The following KASH5 variants were observed in gnomAD, a reference collection of about 807,000 sequenced individuals.
The protein encoded by KASH5 is protein KASH5.
In KASH5, 72 loss-of-function variants were observed where a neutral mutation model predicts 84.2. The ratio of observed to expected loss-of-function variants is 0.85; its 90% confidence interval spans 0.71 to 1.04. KASH5 has a LOEUF of 1.04. Ranked by LOEUF, KASH5 falls within the 50% of genes least tolerant of loss-of-function variation. The pLI, the probability that KASH5 is intolerant of heterozygous loss-of-function variation, is 0.00. For synonymous variants in KASH5, 260 were observed against 279.1 expected (o/e 0.93, Z 0.68); for missense variants, 650 against 701.0 (o/e 0.93, Z 0.82).
intron 12 of KASH5, among the ~76,000 whole-genome samples, chr19:49,408,607 C>G (rs939786066): frequency 1.3e-5 from 2 of 152,106 alleles, no homozygotes; most frequent in African/African-American, 4.8e-5. Context: ...TGCCACCATG[C>G]CCGGCTAATT....
chr19:49,394,645 G>A (rs1337111545), intron 3 of KASH5, 65 bp downstream of exon 3: 1 of 1,285,266 alleles, frequency 7.8e-7, no homozygotes. Flanking sequence ...CTGGGAACTG[G>A]GGAGCCTCAG....
chr19:49,389,855 A>C (rs1973945964), intron 1 of KASH5: 1 of 152,918 alleles, frequency 6.5e-6, no homozygotes, highest in African/African-American at 2.4e-5. Context: ...TGCCCAGAGC[A>C]GCTGCAAGTG....
chr19:49,408,750 T>C (rs1337205959), intron 12 of KASH5, among the ~76,000 whole-genome samples: 1 of 152,240 alleles, frequency 6.6e-6, no homozygotes, highest in Non-Finnish European at 1.5e-5. Context: ...GCCTGGCCTC[T>C]TGGCCTGTGC....
Position 49,407,326 on chromosome 19 carries a change from G to A in KASH5, c.933+30G>A, listed in dbSNP as rs191738825. On this transcript the variant is annotated intron_variant, in intron 11 of 19. Coordinates refer to ENST00000447857, the MANE Select transcript of KASH5 (RefSeq NM_144688.5). ...GGGGCCCCGGGAGGGAAAGAGATTCGCTTTCCATGTGCACCAGCCACTTCC... is the reference window on the plus strand; with the variant it reads ...GGGGCCCCGGGAGGGAAAGAGATTCACTTTCCATGTGCACCAGCCACTTCC... 197 of 1,606,138 alleles carry A rather than the reference G, an allele frequency of 1.2e-4. 3 individuals are homozygous for A. The highest frequency in any genetic ancestry group is 8.3e-4 in the Middle Eastern group (5 of 6,040).
chr19:49,409,884 A>C lies in KASH5; in HGVS notation c.1269+9A>C, dbSNP rs201921062. ...CCCCAGCTGGGGGACAGGTGAGCAC[A>C]GGAAAAGCTCTGAAGTCCAGGAGCT... is the stretch of plus-strand genomic sequence containing the variant. On this transcript the variant is annotated intron_variant, in intron 15 of 19. Transcript: ENST00000447857. The C allele has an allele frequency of 1.7e-5, 28 of 1,612,842 alleles. No individual in the cohort carries two copies. The East Asian group carries it at 5.6e-4, about 32-fold the overall frequency.
chr19:49,396,242 A>ATTTTT (rs1568611428), intron 5 of KASH5, among the ~76,000 whole-genome samples: 1 of 122,904 alleles, frequency 8.1e-6, no homozygotes, highest in Non-Finnish European at 1.7e-5. Context: ...ACCCTGCTGG[A>ATTTTT]CTTTTTTTTT....
rs1974648886 is a variant in KASH5 at position 49,409,672 on chromosome 19, A to G, written c.1147-81A>G. Reference sequence around the variant, plus strand: ...TCTCTCATCCTATTTTCAGCCGCACACCTAAACCTATTTCTATCTCTGACC... The same window carrying G: ...TCTCTCATCCTATTTTCAGCCGCACGCCTAAACCTATTTCTATCTCTGACC... On this transcript the variant is annotated intron_variant, in intron 14 of 19. Transcript: ENST00000447857. 18 of 1,577,020 alleles carry G rather than the reference A, an allele frequency of 1.1e-5. No individual in the cohort carries two copies. The South Asian group carries it at 1.9e-4, about 17-fold the overall frequency.
chr19:49,409,857 A>G lies in KASH5; in HGVS notation c.1251A>G (p.Glu417=), dbSNP rs1331370502. The G allele has an allele frequency of 1.9e-6, 3 of 1,613,688 alleles. No homozygotes were observed. Among genetic ancestry groups the G allele is most frequent in the Non-Finnish European group, 2.5e-6 (3 of 1,179,766 alleles). ...ETSEETEFPS[E]APAGGQRNFQ... The stretch of plus-strand genomic sequence containing the variant: ...GTGAGGAAACTGAGTTTCCATCTGA[A>G]GCCCCAGCTGGGGGACAGGTGAGCA... Residue 417 remains glutamate (E), a synonymous_variant, in exon 15 of 20, where the codon GAA becomes GAG. Transcript: ENST00000447857.
chr19:49,397,926 C>T (rs548061578), intron 6 of KASH5, 56 bp from the exon 7 acceptor site: 28 of 1,579,106 alleles, frequency 1.8e-5, no homozygotes, highest in South Asian at 1.6e-4. Flanking sequence ...TACCTCGACC[C>T]GGGGAAATGA....
At chr19:49,406,387 G>GT (rs1239304106) in intron 9 of KASH5, among the ~76,000 whole-genome samples, 2 of 151,784 alleles carry the variant, frequency 1.3e-5, no homozygotes, top group Admixed American at 6.6e-5. Flanking sequence ...TTTTGTTGTT[G>GT]TTTTTTCCTG....
At chr19:49,391,620 G>A (rs1037212203) in intron 2 of KASH5, 1 of 151,656 alleles carries the variant, frequency 6.6e-6, no homozygotes, top group Non-Finnish European at 1.5e-5. Flanking sequence ...TTCATACTAA[G>A]CCCTAAAGAT....
At chr19:49,389,212 A>G (rs1973917823) in intron 1 of KASH5, among the ~76,000 whole-genome samples, 1 of 121,926 alleles carries the variant, frequency 8.2e-6, no homozygotes, top group South Asian at 3.1e-4. Context: ...ACCCCCAGAA[A>G]TCCAATCAGA....
In KASH5 at chr19:49,409,233, A is replaced by G; in HGVS notation, c.1096A>G (p.Thr366Ala). The change falls in exon 14 of 20, where the codon ACC (threonine) becomes GCC (alanine). Residue 366 changes from threonine to alanine, a missense_variant. Thr to Ala is a moderately conservative substitution (Grantham distance 58). Coordinates refer to ENST00000447857, the MANE Select transcript of KASH5 (RefSeq NM_144688.5). ...GGCCCAGCTGAGAAGAGTGGGCTGG[A>G]CCGAGCTGCTACCCCCATCGCTGGG... ...EGAQLRRVGW[T>A]ELLPPSLGLE... 2.5e-6 allele frequency: 4 copies of G among 1,613,940 alleles called. 1 individual carries two copies. Among genetic ancestry groups the G allele is most frequent in the Middle Eastern group, 1.6e-4 (1 of 6,062 alleles).
intron 1 of KASH5, among the ~76,000 whole-genome samples, chr19:49,390,501 C>T (rs1287614037): frequency 1.3e-5 from 2 of 152,056 alleles, no homozygotes; most frequent in East Asian, 3.9e-4. Context: ...GAGGCTGGGA[C>T]AAAGGCCAGG....
chr19:49,396,253 T>G (rs868625743), intron 5 of KASH5, among the ~76,000 whole-genome samples: 25,789 of 113,662 alleles, frequency 0.23, 3,603 homozygotes, highest in Non-Finnish European at 0.27. Flanking sequence ...CTTTTTTTTT[T>G]TTTTTTTTTT....
chr19:49,393,264 G>A (rs1974060867), intron 2 of KASH5: 1 of 152,234 alleles, frequency 6.6e-6, no homozygotes, highest in Admixed American at 6.5e-5. Context: ...CTCAATAAGT[G>A]TTCAATTCTA....
chr19:49,410,551 T>C (rs1442953986), intron 15 of KASH5, among the ~76,000 whole-genome samples: 1 of 150,106 alleles, frequency 6.7e-6, no homozygotes, highest in African/African-American at 2.5e-5. Flanking sequence ...TGGCACGATC[T>C]CAGCTCACTG....
At position 49,397,702 on chromosome 19, in the gene KASH5, A is replaced by T; in HGVS notation, c.452A>T (p.Asp151Val). The T allele has an allele frequency of 1.2e-6, 2 of 1,613,180 alleles. No homozygotes were observed. The highest frequency in any genetic ancestry group is 1.7e-6 in the Non-Finnish European group (2 of 1,179,666). ...PANLESFGGE[D>V]PRPELQATAD... ...AACCTGGAGAGCTTCGGAGGCGAAGACCCCAGACCCGAGCTGTACCTATCC... is the reference window on the plus strand; with the variant it reads ...AACCTGGAGAGCTTCGGAGGCGAAGTCCCCAGACCCGAGCTGTACCTATCC... The change falls in exon 6 of 20, where the codon GAC (aspartate) becomes GTC (valine). Residue 151 changes from aspartate (D) to valine (V), a missense_variant. By Grantham distance (152) the Asp-to-Val change is radical. Coordinates refer to ENST00000447857, the MANE Select transcript of KASH5 (RefSeq NM_144688.5).
chr19:49,414,886 C>G lies in KASH5; in HGVS notation c.1329-65C>G. 1 of 1,569,588 alleles carries G rather than the reference C, an allele frequency of 6.4e-7. No homozygotes were observed. Among genetic ancestry groups the G allele is most frequent in the Non-Finnish European group, 8.7e-7 (1 of 1,154,104 alleles). On this transcript the variant is annotated intron_variant, in intron 16 of 19. Transcript: ENST00000447857. This position sits in a 1 kb window ranked among gnomAD's most constrained non-coding sequence, Gnocchi z 4.5. ...CCTGCTCCAAGGCTTCTCTCCCAGC[C>G]CATAGTAGGCAAAGGGAACCAGGGA...
Sources: gnomAD v4.1 joint callset for allele counts (sites outside exome capture counted in the v4.1 genomes callset) on GRCh38, gnomAD v4.1.1 for gene constraint, Gnocchi (gnomAD v3.1) non-coding constraint, MANE v1.5 for transcripts, NCBI Gene and HGNC (gene_info 2026-07-23, HGNC 2026-07-21) for gene names.